Variants in SLC25A40 observed in about 807,000 individuals in gnomAD.
The protein encoded by SLC25A40 is solute carrier family 25 member 40.
Under a neutral mutation model 46.5 loss-of-function variants are expected in SLC25A40, and 41 were observed. The ratio of observed to expected loss-of-function variants is 0.88; its 90% CI spans 0.69 to 1.14. The LOEUF (loss-of-function observed/expected upper bound fraction) is 1.14. Among genes scored for constraint, SLC25A40 ranks in the 50% most tolerant of loss-of-function variants. SLC25A40 has a pLI of 0.00. For missense variants in SLC25A40, 386 were observed against 393.6 expected (o/e 0.98, Z 0.16); for synonymous variants, 126 against 127.5 (o/e 0.99, Z 0.08).
chr7:87,836,243 G>T lies in SLC25A40; in HGVS notation c.*6C>A. 1.3e-6 allele frequency: 2 copies of T among 1,548,062 alleles called. No individual in the cohort carries two copies. Among genetic ancestry groups the T allele is most frequent in the Non-Finnish European group, 1.8e-6 (2 of 1,136,190 alleles). On this transcript the variant is annotated 3_prime_UTR_variant, in exon 12 of 12. Coordinates refer to ENST00000341119, the MANE Select transcript of SLC25A40 (RefSeq NM_018843.4). ...ATAGTTGTTGTTTCAAGTTGAAACAGCATCACTAGTATTGCTGCCTTCGAA... is the reference window on the plus strand; with the variant it reads ...ATAGTTGTTGTTTCAAGTTGAAACATCATCACTAGTATTGCTGCCTTCGAA...
intron 10 of SLC25A40, among the ~76,000 whole-genome samples, chr7:87,837,968 G>T (rs760936347): frequency 1.3e-5 from 2 of 151,400 alleles, no homozygotes; most frequent in South Asian, 2.1e-4. Flanking sequence ...AGATAAAATG[G>T]TATCTTTCAA....
chr7:87,845,369 G>A (rs1838398706), intron 8 of SLC25A40, among the ~76,000 whole-genome samples: 1 of 152,102 alleles, frequency 6.6e-6, no homozygotes, highest in Non-Finnish European at 1.5e-5. Flanking sequence ...GCGGGTGAGT[G>A]AGCATTACCG....
At chr7:87,853,889 G>T (rs1451079356) in intron 5 of SLC25A40, among the ~76,000 whole-genome samples, 1 of 152,258 alleles carries the variant, frequency 6.6e-6, no homozygotes, top group Non-Finnish European at 1.5e-5. Context: ...CAAAATCCTA[G>T]TGGTGACACT....
chr7:87,866,042 C>G (rs1167099241), intron 1 of SLC25A40, among the ~76,000 whole-genome samples: 1 of 151,514 alleles, frequency 6.6e-6, no homozygotes, highest in African/African-American at 2.4e-5. Flanking sequence ...GAGATCATGC[C>G]ACTGTACTCC....
At chr7:87,861,262 T>TCAAC (rs1838694482) in intron 1 of SLC25A40, among the ~76,000 whole-genome samples, 1 of 152,098 alleles carries the variant, frequency 6.6e-6, no homozygotes, top group South Asian at 2.1e-4. Flanking sequence ...ATCTTAAGAG[T>TCAAC]CAACCACCAA....
chr7:87,849,880 C>T lies in SLC25A40; in HGVS notation c.332+1G>A. 1 of 1,574,666 alleles carries T rather than the reference C, an allele frequency of 6.4e-7. No homozygotes were observed. Among genetic ancestry groups the T allele is most frequent in the South Asian group, 1.2e-5 (1 of 84,034 alleles). ...AGAAAAAACATTAAATTTCAACTTA[C>T]AGGGTAGGAGGAAGGCCACTCCATA... On this transcript the variant is annotated splice_donor_variant, in intron 6 of 11. Transcript: ENST00000341119. LOFTEE classifies it high-confidence loss of function.
chr7:87,858,086 T>C (rs1002079425), intron 3 of SLC25A40, among the ~76,000 whole-genome samples: 2 of 152,210 alleles, frequency 1.3e-5, no homozygotes, highest in Non-Finnish European at 2.9e-5. Context: ...ACCCTCAGGC[T>C]TACTAGGATT....
chr7:87,846,193 A>C (rs887921318), intron 8 of SLC25A40, among the ~76,000 whole-genome samples: 5 of 152,210 alleles, frequency 3.3e-5, no homozygotes, highest in Middle Eastern at 3.2e-3. Flanking sequence ...GCAATAATAC[A>C]TATGTGGGAA....
In SLC25A40 at chr7:87,835,927, A is replaced by C; in HGVS notation, c.*322T>G. 4.8e-6 allele frequency: 1 copy of C among 208,664 alleles called. No individual in the cohort carries two copies. The highest frequency in any genetic ancestry group is 1.5e-4 in the East Asian group (1 of 6,496). 12.9% of individuals were successfully genotyped at this position (208,664 alleles called of 1,614,324 possible). Reference sequence around the variant, plus strand: ...CAATTCAAAAAGTTCTGGTGTATTCAACACACTCCCAGTAAGATTATGTTA... The same window carrying C: ...CAATTCAAAAAGTTCTGGTGTATTCCACACACTCCCAGTAAGATTATGTTA... On this transcript the variant is annotated 3_prime_UTR_variant, in exon 12 of 12. Coordinates refer to ENST00000341119, the MANE Select transcript of SLC25A40 (RefSeq NM_018843.4).
intron 2 of SLC25A40, among the ~76,000 whole-genome samples, chr7:87,859,397 G>A (rs987460599): frequency 4.6e-5 from 7 of 151,948 alleles, no homozygotes; most frequent in Non-Finnish European, 7.4e-5. Flanking sequence ...AGCCGAGATC[G>A]CACCACTGCA....
chr7:87,844,057 T>C, intron 8 of SLC25A40, 194 bp from the exon 9 acceptor site: 1 of 929,284 alleles, frequency 1.1e-6, no homozygotes, highest in Non-Finnish European at 1.3e-6. Context: ...AGTAGTCCTA[T>C]AAACAAAAAA....
chr7:87,867,761 T>C (rs1838826859), intron 1 of SLC25A40, among the ~76,000 whole-genome samples: 1 of 152,254 alleles, frequency 6.6e-6, no homozygotes, highest in Non-Finnish European at 1.5e-5. Flanking sequence ...AATTTATCTG[T>C]TGAATATTGT....
intron 10 of SLC25A40, among the ~76,000 whole-genome samples, chr7:87,840,519 A>G (rs1280825725): frequency 6.6e-6 from 1 of 151,868 alleles, no homozygotes; most frequent in African/African-American, 2.4e-5. Context: ...GTCATTAATC[A>G]TTTATGCTAA....
chr7:87,853,503 T>C (rs1221496029), intron 5 of SLC25A40, among the ~76,000 whole-genome samples: 1 of 152,186 alleles, frequency 6.6e-6, no homozygotes, highest in Non-Finnish European at 1.5e-5. Context: ...AAGTGAATGT[T>C]TGTAGCAGCT....
chr7:87,840,831 G>A lies in SLC25A40; in HGVS notation c.823+802C>T, dbSNP rs562329041. ...AACATCCATCAGATTCATTTGTAGA[G>A]GTTTGTAACCAGCTTCTTTTAACAT... On this transcript the variant is annotated intron_variant, in intron 10 of 11. Transcript: ENST00000341119. 7.6e-4 allele frequency among the ~76,000 whole-genome samples: 115 copies of A among 151,764 alleles called. 1 individual carries two copies. The highest frequency in any genetic ancestry group is 2.7e-3 in the African/African-American group (111 of 41,490).
chr7:87,846,430 ACTT>A (rs2131001515), intron 8 of SLC25A40, among the ~76,000 whole-genome samples: 1 of 152,304 alleles, frequency 6.6e-6, no homozygotes, highest in Admixed American at 6.5e-5. Context: ...GTAGATTTAC[ACTT>A]CTCACTTTTC....
chr7:87,843,992 G>A (rs1159149289), intron 8 of SLC25A40, 129 bp from the exon 9 acceptor site: 1 of 1,336,126 alleles, frequency 7.5e-7, no homozygotes, highest in African/African-American at 1.5e-5. Context: ...TTTCTACTTA[G>A]ACACCCACTA....
At chr7:87,839,008 T>G (rs998075609) in intron 10 of SLC25A40, among the ~76,000 whole-genome samples, 4 of 151,596 alleles carry the variant, frequency 2.6e-5, no homozygotes, top group African/African-American at 9.7e-5. Flanking sequence ...ATGGATAGCC[T>G]GGTACATGTG....
At chr7:87,870,713 T>C (rs1041462076) in intron 1 of SLC25A40, among the ~76,000 whole-genome samples, 2 of 152,116 alleles carry the variant, frequency 1.3e-5, no homozygotes, top group Admixed American at 1.3e-4. Context: ...TGGTGTAACT[T>C]TGGAGATGGG....
Sources: gnomAD v4.1 joint callset for allele counts (sites outside exome capture counted in the v4.1 genomes callset) on GRCh38, gnomAD v4.1.1 for gene constraint, MANE v1.5 for transcripts, NCBI Gene and HGNC (gene_info 2026-07-23, HGNC 2026-07-21) for gene names.